Variants in AGPS observed in about 807,000 individuals in gnomAD.
The protein encoded by AGPS is alkylglycerone phosphate synthase.
In AGPS, 26 loss-of-function variants were observed where a neutral mutation model predicts 90.7. The ratio of observed to expected loss-of-function variants is 0.29; its 90% CI spans 0.21 to 0.40. AGPS has a LOEUF of 0.40. AGPS is among the 10% of genes least tolerant of loss of function. The pLI is 1.00. For missense variants in AGPS, 540 were observed against 816.1 expected, an observed-to-expected ratio of 0.66 and a Z score of 4.12; for synonymous variants, 294 against 285.3, an observed-to-expected ratio of 1.03 and a Z score of -0.31.
At chr2:177,441,179 T>A in intron 6 of AGPS, 143 bp downstream of exon 6, 1 of 715,626 alleles carries the variant, frequency 1.4e-6, no homozygotes, top group South Asian at 1.7e-5. Context: ...TCAATGATGC[T>A]CATTTTTGTT....
intron 2 of AGPS, among the ~76,000 whole-genome samples, chr2:177,433,308 A>C (rs941465831): frequency 6.6e-6 from 1 of 152,234 alleles, no homozygotes; most frequent in Admixed American, 6.5e-5. Flanking sequence ...ATAAGTACTC[A>C]GTAAAATTCA....
At chr2:177,489,170 C>T (rs895008766) in intron 11 of AGPS, among the ~76,000 whole-genome samples, 11 of 151,458 alleles carry the variant, frequency 7.3e-5, no homozygotes, top group East Asian at 5.8e-4. Context: ...CTGCAAGCTC[C>T]GCCTCCCGGG....
chr2:177,477,686 C>G (rs1687823494), intron 10 of AGPS, among the ~76,000 whole-genome samples: 1 of 152,048 alleles, frequency 6.6e-6, no homozygotes, highest in Non-Finnish European at 1.5e-5. Flanking sequence ...TTTTATATTA[C>G]CCATTTTGTT....
In AGPS at chr2:177,541,572, TTAAGGACAGCTTTAA is replaced by T. The variant is rs1294193995; in HGVS notation, c.*3381_*3395del. The T allele has an allele frequency of 6.6e-6, 1 of 152,126 alleles. No individual in the cohort carries two copies. Among genetic ancestry groups the T allele is most frequent in the Non-Finnish European group, 1.5e-5 (1 of 68,002 alleles). 9.4% of individuals were successfully genotyped at this position (152,126 alleles called of 1,614,324 possible). On this transcript the variant is annotated 3_prime_UTR_variant, in exon 20 of 20. Coordinates refer to ENST00000264167, the MANE Select transcript of AGPS (RefSeq NM_003659.4). ...ATCTTAAAAAACACTCAGACAGGAG[TTAAGGACAGCTTTAA>T]TAATTTTTTTGTTTACCACTTAATC... is the stretch of plus-strand genomic sequence containing the variant.
chr2:177,418,090 A>G (rs919153467), intron 1 of AGPS, among the ~76,000 whole-genome samples: 1 of 152,154 alleles, frequency 6.6e-6, no homozygotes, highest in African/African-American at 2.4e-5. Context: ...ACTTCTGAGA[A>G]GACTCCAAAA....
chr2:177,475,051 ATT>A (rs943183601), intron 10 of AGPS, among the ~76,000 whole-genome samples: 2 of 152,232 alleles, frequency 1.3e-5, no homozygotes, highest in African/African-American at 4.8e-5. Context: ...TCAAGTGGTT[ATT>A]AAAGTTTTCC....
chr2:177,482,105 C>T lies in AGPS; in HGVS notation c.1152C>T (p.Val384=), dbSNP rs529236041. 6.2e-7 allele frequency: 1 copy of T among 1,605,614 alleles called. No individual in the cohort carries two copies. The highest frequency in any genetic ancestry group is 8.5e-7 in the Non-Finnish European group (1 of 1,174,568). The change falls in exon 11 of 20, where the codon GTC becomes GTT. Residue 384 remains valine (V), a synonymous_variant. Coordinates refer to ENST00000264167, the MANE Select transcript of AGPS (RefSeq NM_003659.4). ...ITEATIKIRP[V]PEYQKYGSVA... ...AAGCTACAATAAAAATCAGACCAGT[C>T]CCTGAATACCAAAAGTATGGCTCAG...
At chr2:177,513,667 TC>T in intron 16 of AGPS, 151 bp from the exon 17 acceptor site, 1 of 640,836 alleles carries the variant, frequency 1.6e-6, no homozygotes, top group South Asian at 2.0e-5. Context: ...ATTTGAGTGA[TC>T]AGGGCTCTTT....
chr2:177,453,983 A>T (rs61275325), intron 8 of AGPS, among the ~76,000 whole-genome samples: 3 of 35,316 alleles, frequency 8.5e-5, no homozygotes, highest in Non-Finnish European at 3.9e-4. Flanking sequence ...CACTGTGCCC[A>T]GCCCCCTCTG....
At chr2:177,431,439 G>A (rs1686239413) in intron 2 of AGPS, among the ~76,000 whole-genome samples, 1 of 152,132 alleles carries the variant, frequency 6.6e-6, no homozygotes, top group Non-Finnish European at 1.5e-5. Flanking sequence ...GGGTTCGAGA[G>A]CAGAGAACCG....
intron 12 of AGPS, among the ~76,000 whole-genome samples, chr2:177,495,424 G>C (rs775537268): frequency 3.3e-5 from 5 of 152,138 alleles, no homozygotes; most frequent in Non-Finnish European, 7.4e-5. Flanking sequence ...ATACGTGGTA[G>C]AGCTAGGGAT....
chr2:177,481,149 T>C (rs1369296478), intron 10 of AGPS, among the ~76,000 whole-genome samples: 2 of 152,180 alleles, frequency 1.3e-5, no homozygotes, highest in Non-Finnish European at 2.9e-5. Flanking sequence ...TCTTGCGTTA[T>C]GAAGATGTGC....
intron 10 of AGPS, among the ~76,000 whole-genome samples, chr2:177,472,193 T>G (rs1198703509): frequency 6.6e-6 from 1 of 151,924 alleles, no homozygotes; most frequent in Non-Finnish European, 1.5e-5. Flanking sequence ...TTGCTAGTTT[T>G]CCATTTCAGT....
chr2:177,476,285 A>C (rs1308263671), intron 10 of AGPS, among the ~76,000 whole-genome samples: 1 of 152,002 alleles, frequency 6.6e-6, no homozygotes, highest in Non-Finnish European at 1.5e-5. Context: ...TGAGATTTAA[A>C]AAAATATGTA....
chr2:177,399,282 C>T (rs1012189233), intron 1 of AGPS, among the ~76,000 whole-genome samples: 2 of 152,076 alleles, frequency 1.3e-5, no homozygotes, highest in African/African-American at 4.8e-5. Context: ...GCTGTTATTC[C>T]GATTAGTATG....
intron 1 of AGPS, chr2:177,393,371 T>A (rs1685080195): frequency 2.0e-6 from 2 of 985,278 alleles, no homozygotes; most frequent in African/African-American, 1.7e-5. Context: ...GAATTAATAC[T>A]TTTGGTGCTG....
intron 10 of AGPS, among the ~76,000 whole-genome samples, chr2:177,481,638 G>GT (rs979196583): frequency 6.6e-6 from 1 of 151,626 alleles, no homozygotes; most frequent in East Asian, 1.9e-4. Context: ...GAAGGTTAGG[G>GT]TTTTTTTGCC....
chr2:177,512,813 G>A (rs1574023806), intron 16 of AGPS, among the ~76,000 whole-genome samples: 1 of 152,308 alleles, frequency 6.6e-6, no homozygotes, highest in East Asian at 1.9e-4. Flanking sequence ...CAGCTTGTGA[G>A]TAAGCTATCG....
chr2:177,535,738 G>T (rs1468474155), intron 19 of AGPS, among the ~76,000 whole-genome samples: 1 of 152,124 alleles, frequency 6.6e-6, no homozygotes, highest in Non-Finnish European at 1.5e-5. Flanking sequence ...GTTAAACAAA[G>T]CCAAAGATTT....
Sources: gnomAD v4.1 joint callset for allele counts (sites outside exome capture counted in the v4.1 genomes callset) on GRCh38, gnomAD v4.1.1 for gene constraint, MANE v1.5 for transcripts, NCBI Gene and HGNC (gene_info 2026-07-23, HGNC 2026-07-21) for gene names.